The following ABLIM1 variants were observed in gnomAD, a reference collection of about 807,000 sequenced individuals.
ABLIM1 encodes actin binding LIM protein 1, also known as actin-binding LIM protein 1.
Under a neutral mutation model 107.0 loss-of-function variants are expected in ABLIM1, and 40 were observed. The ratio of observed to expected loss-of-function variants is 0.37; its 90% CI spans 0.29 to 0.49. ABLIM1 has a LOEUF of 0.49. Ranked by LOEUF, ABLIM1 falls within the 20% of genes least tolerant of loss-of-function variation. The pLI, the probability that ABLIM1 is intolerant of heterozygous loss-of-function variation, is 0.97. For synonymous variants in ABLIM1, 357 were observed against 357.3 expected (o/e 1.00, Z 0.01); for missense variants, 857 against 1,008.5 (o/e 0.85, Z 2.04).
intron 1 of ABLIM1, among the ~76,000 whole-genome samples, chr10:114,713,867 T>C (rs1294039346): frequency 6.6e-6 from 1 of 152,190 alleles, no homozygotes; most frequent in South Asian, 2.1e-4. Flanking sequence ...CTCAAAAAAT[T>C]TACACAACAG....
In ABLIM1 at chr10:114,444,042, A is replaced by C. The variant is rs74158004; in HGVS notation, c.1920T>G (p.Ser640=). 5.2e-3 allele frequency: 8,404 copies of C among 1,606,128 alleles called. 396 individuals carry two copies. The African/African-American group carries it at 0.1, about 19-fold the overall frequency. ...TTTGCTGCTTACCTGAGTTGATGGG[A>C]GAATCGTAGCGACTGGCTAACAGAG... ...RSSLLASRYD[S]PINSASHIPS... is the part of the protein sequence containing the mutation. The change falls in exon 17 of 23, where the codon TCT becomes TCG. Residue 640 remains serine, a synonymous_variant. Transcript: ENST00000533213.
chr10:114,527,158 T>C (rs1368762929), intron 6 of ABLIM1, among the ~76,000 whole-genome samples: 1 of 152,190 alleles, frequency 6.6e-6, no homozygotes, highest in Non-Finnish European at 1.5e-5. Context: ...TTCTCGGATT[T>C]GAGATGATGG....
At position 114,668,969 on chromosome 10, in the gene ABLIM1, A is replaced by G. The variant is rs139161551; in HGVS notation, c.64+15321T>C. Among the ~76,000 whole-genome samples the G allele has an allele frequency of 1.1e-4, 16 of 152,356 alleles. No individual in the cohort carries two copies. In the East Asian group the frequency reaches 3.1e-3, roughly 29 times the overall value. Reference sequence around the variant, plus strand: ...GAGAAAAGGAATCACTGAACTGTGAACTTCTTAAAAGCAAAGCTAGTCTTC... The same window carrying G: ...GAGAAAAGGAATCACTGAACTGTGAGCTTCTTAAAAGCAAAGCTAGTCTTC... On this transcript the variant is annotated intron_variant, in intron 1 of 23. Transcript: ENST00000369256.
At chr10:114,720,592 T>C (rs1334724891) in intron 1 of ABLIM1, among the ~76,000 whole-genome samples, 1 of 152,098 alleles carries the variant, frequency 6.6e-6, no homozygotes. Context: ...CTTCAGCCAA[T>C]GAGAAAACAC....
intron 1 of ABLIM1, among the ~76,000 whole-genome samples, chr10:114,724,408 G>A (rs1292146040): frequency 6.6e-6 from 1 of 152,156 alleles, no homozygotes; most frequent in Non-Finnish European, 1.5e-5. Flanking sequence ...CTTTATGGAA[G>A]TAAGGAATTC....
intron 4 of ABLIM1, among the ~76,000 whole-genome samples, chr10:114,564,767 C>A (rs2070412797): frequency 1.3e-5 from 2 of 152,318 alleles, no homozygotes; most frequent in South Asian, 4.1e-4. Context: ...CAAACCCAGG[C>A]ACATCTGAAA....
At chr10:114,778,608 CACACAT>C in the ABLIM1 span, 936 of 130,312 alleles carry the variant, frequency 7.2e-3, 10 homozygotes, top group African/African-American at 0.026. Flanking sequence ...CACACACACA[CACACAT>C]ACATTTTAAC....
intron 2 of ABLIM1, among the ~76,000 whole-genome samples, chr10:114,578,504 TCAA>T (rs967083040): frequency 7.2e-5 from 11 of 151,892 alleles, no homozygotes; most frequent in Non-Finnish European, 1.6e-4. Flanking sequence ...CCTCTCCAGT[TCAA>T]GCGATTCTCC....
upstream of ABLIM1, among the ~76,000 whole-genome samples, chr10:114,773,038 A>G (rs1483915055): frequency 1.3e-5 from 2 of 152,136 alleles, no homozygotes; most frequent in Non-Finnish European, 2.9e-5. Flanking sequence ...CAGCTCCAAA[A>G]TATTGGGAGA....
chr10:114,457,768 C>T (rs535818805), intron 12 of ABLIM1, among the ~76,000 whole-genome samples: 6 of 152,272 alleles, frequency 3.9e-5, no homozygotes, highest in Non-Finnish European at 7.4e-5. Context: ...GAATAAGATA[C>T]TGTTTAAAAA....
intron 1 of ABLIM1, among the ~76,000 whole-genome samples, chr10:114,701,036 C>T (rs1314195545): frequency 1.3e-5 from 2 of 151,890 alleles, no homozygotes; most frequent in East Asian, 3.9e-4. Flanking sequence ...AAACATAAAG[C>T]AGACATATAA....
chr10:114,571,957 G>A (rs2071742986), intron 3 of ABLIM1, among the ~76,000 whole-genome samples: 1 of 152,174 alleles, frequency 6.6e-6, no homozygotes, highest in Non-Finnish European at 1.5e-5. Flanking sequence ...CTTATAAACT[G>A]GGAGAAATGG....
At chr10:114,440,752 T>C in intron 19 of ABLIM1, 3 of 559,268 alleles carry the variant, frequency 5.4e-6, no homozygotes, top group Non-Finnish European at 1.0e-5. Context: ...TGAGCCACCA[T>C]GCCTGGCCTC....
rs1246885883 is a variant in ABLIM1, at chr10:114,619,417, G to A, written c.245-17456C>T. Among the ~76,000 whole-genome samples, 2 of 151,940 alleles carry A rather than the reference G, an allele frequency of 1.3e-5. No individual in the cohort carries two copies. Among genetic ancestry groups the A allele is most frequent in the East Asian group, 1.9e-4 (1 of 5,190 alleles). On this transcript the variant is annotated intron_variant, in intron 1 of 22. Coordinates refer to ENST00000533213, the MANE Select transcript of ABLIM1 (RefSeq NM_002313.7). The surrounding 1 kb of genome is among the most constrained non-coding windows in gnomAD (Gnocchi z 4.1). ...TCACTATGTTGCCCAGGCTGGTCTC[G>A]AACTCCTGACCTCAAACAATTCACC...
At chr10:114,604,131 C>T (rs566163916) in intron 1 of ABLIM1, among the ~76,000 whole-genome samples, 66 of 152,218 alleles carry the variant, frequency 4.3e-4, no homozygotes, top group Middle Eastern at 3.4e-3. Flanking sequence ...CTCACCACCC[C>T]TCTCTCTCAG....
intron 6 of ABLIM1, 127 bp downstream of exon 6, chr10:114,544,878 G>A (rs2067121240): frequency 1.3e-5 from 11 of 838,560 alleles, no homozygotes; most frequent in Admixed American, 3.7e-5. Context: ...ATAGTCACCT[G>A]CGACTACTTT....
At chr10:114,470,879 T>C (rs1456265444) in intron 10 of ABLIM1, among the ~76,000 whole-genome samples, 1 of 152,070 alleles carries the variant, frequency 6.6e-6, no homozygotes, top group Non-Finnish European at 1.5e-5. Context: ...GTGGTTTTTG[T>C]TTTGTTTGCT....
At position 114,594,846 on chromosome 10, in the gene ABLIM1, A is replaced by G. The variant is rs534181259; in HGVS notation, c.379+6981T>C. Among the ~76,000 whole-genome samples, 336 of 152,350 alleles carry G rather than the reference A, an allele frequency of 2.2e-3. 2 individuals carry two copies. Among genetic ancestry groups the G allele is most frequent in the African/African-American group, 7.7e-3 (320 of 41,586 alleles). Reference sequence around the variant, plus strand: ...TTCGTTCACCTTATGAGTACCTGCCATATCAGGCATTGTTCTAGGCACTGG... The same window carrying G: ...TTCGTTCACCTTATGAGTACCTGCCGTATCAGGCATTGTTCTAGGCACTGG... On this transcript the variant is annotated intron_variant, in intron 2 of 22. Transcript: ENST00000533213.
chr10:114,720,536 T>C (rs1221363040), intron 1 of ABLIM1, among the ~76,000 whole-genome samples: 3 of 152,148 alleles, frequency 2.0e-5, no homozygotes, highest in Admixed American at 1.3e-4. Context: ...CCAGCATCTG[T>C]TGGAGAAACA....
Sources: gnomAD v4.1 joint callset for allele counts (sites outside exome capture counted in the v4.1 genomes callset) on GRCh38, gnomAD v4.1.1 for gene constraint, Gnocchi (gnomAD v3.1) non-coding constraint, MANE v1.5 for transcripts, NCBI Gene and HGNC (gene_info 2026-07-23, HGNC 2026-07-21) for gene names.